The following CREB5 variants were observed in gnomAD, a reference collection of about 807,000 sequenced individuals.
The protein encoded by CREB5 is cyclic AMP-responsive element-binding protein 5.
CREB5 carries 19 observed loss-of-function variants against 57.1 expected under a neutral mutation model. That is an observed-to-expected ratio of 0.33 (90% CI 0.23 to 0.49). CREB5 has a LOEUF of 0.49. Ranked by LOEUF, CREB5 falls within the 20% of genes least tolerant of loss-of-function variation. CREB5 has a pLI of 0.99. For missense variants in CREB5, 579 were observed against 671.6 expected (o/e 0.86, Z 1.52); for synonymous variants, 238 against 238.3 (o/e 1.00, Z 0.01).
At chr7:28,474,451 C>T (rs1179166539) in intron 1 of CREB5, among the ~76,000 whole-genome samples, 1 of 152,144 alleles carries the variant, frequency 6.6e-6, no homozygotes, top group Non-Finnish European at 1.5e-5. Flanking sequence ...TTTTCCTTGC[C>T]TGGTGCTTGA....
chr7:28,645,725 C>T (rs1278669829), intron 5 of CREB5, among the ~76,000 whole-genome samples: 2 of 152,174 alleles, frequency 1.3e-5, no homozygotes, highest in East Asian at 3.8e-4. Flanking sequence ...ACAGCTTTGC[C>T]AGTGTATTCT....
chr7:28,312,733 G>A (rs1005518296), intron 1 of CREB5, among the ~76,000 whole-genome samples: 1 of 152,188 alleles, frequency 6.6e-6, no homozygotes, highest in African/African-American at 2.4e-5. Context: ...CCAGAAATTA[G>A]TCCCAGGTAT....
chr7:28,743,846 T>C (rs1258425899), intron 7 of CREB5, among the ~76,000 whole-genome samples: 2 of 143,164 alleles, frequency 1.4e-5, no homozygotes, highest in South Asian at 2.3e-4. Flanking sequence ...TTCTTTTTTT[T>C]TTTTTTTTTT....
chr7:28,519,562 G>T (rs962640944), intron 4 of CREB5, among the ~76,000 whole-genome samples: 2 of 152,102 alleles, frequency 1.3e-5, no homozygotes, highest in African/African-American at 4.8e-5. Context: ...CTAAACACAC[G>T]TGCCCTCCCA....
At chr7:28,633,173 G>A (rs1450549568) in intron 5 of CREB5, among the ~76,000 whole-genome samples, 6 of 152,114 alleles carry the variant, frequency 3.9e-5, no homozygotes, top group African/African-American at 1.4e-4. Context: ...TTTGTCTAAG[G>A]TCACACAGTA....
At chr7:28,560,022 G>A (rs1462277839) in intron 4 of CREB5, among the ~76,000 whole-genome samples, 2 of 152,204 alleles carry the variant, frequency 1.3e-5, no homozygotes, top group Admixed American at 6.5e-5. Flanking sequence ...AAGAATAAGA[G>A]GATGTCAGAG....
intron 5 of CREB5, among the ~76,000 whole-genome samples, chr7:28,716,214 T>G (rs1318263882): frequency 1.3e-5 from 2 of 152,180 alleles, no homozygotes; most frequent in Admixed American, 1.3e-4. Flanking sequence ...TGATTTCTTT[T>G]TGAAAAAGAA....
intron 1 of CREB5, among the ~76,000 whole-genome samples, chr7:28,469,309 C>T (rs190911497): frequency 1.2e-4 from 19 of 152,264 alleles, no homozygotes; most frequent in African/African-American, 4.6e-4. Flanking sequence ...CTAACAAATA[C>T]GCCTATGGAT....
At chr7:28,734,303 T>G (rs568535375) in intron 7 of CREB5, among the ~76,000 whole-genome samples, 1 of 152,142 alleles carries the variant, frequency 6.6e-6, no homozygotes, top group South Asian at 2.1e-4. Flanking sequence ...AACTAAACTT[T>G]TTGCCTTCAA....
intron 5 of CREB5, among the ~76,000 whole-genome samples, chr7:28,574,137 G>A (rs1253066876): frequency 6.6e-6 from 1 of 152,216 alleles, no homozygotes; most frequent in Non-Finnish European, 1.5e-5. Context: ...CTGATTGATG[G>A]TAGCGTTTTC....
chr7:28,470,225 C>T (rs958021619), intron 1 of CREB5, among the ~76,000 whole-genome samples: 1 of 152,214 alleles, frequency 6.6e-6, no homozygotes, highest in Non-Finnish European at 1.5e-5. Flanking sequence ...GACTTCTCCA[C>T]TACCTTTCCC....
chr7:28,399,280 G>GA (rs5883127), intron 1 of CREB5, among the ~76,000 whole-genome samples: 24 of 148,636 alleles, frequency 1.6e-4, no homozygotes, highest in East Asian at 3.9e-4. Context: ...AGACAAATTG[G>GA]AAAAAAAAAA....
chr7:28,790,771 T>C (rs976839175), intron 7 of CREB5, among the ~76,000 whole-genome samples: 5 of 152,228 alleles, frequency 3.3e-5, no homozygotes. Flanking sequence ...TTCACCTTTG[T>C]GAGCTCTCCA....
chr7:28,459,692 G>A (rs766283901), intron 1 of CREB5, among the ~76,000 whole-genome samples: 2 of 152,200 alleles, frequency 1.3e-5, no homozygotes. Flanking sequence ...AGGTGGGAAG[G>A]CAGGGTGACG....
At position 28,628,159 on chromosome 7, in the gene CREB5, T is replaced by C. The variant is rs1241406990; in HGVS notation, c.464+57622T>C. 7.2e-5 allele frequency among the ~76,000 whole-genome samples: 11 copies of C among 151,932 alleles called. No individual in the cohort carries two copies. The East Asian group carries it at 2.1e-3, about 30-fold the overall frequency. On this transcript the variant is annotated intron_variant, in intron 5 of 10. Coordinates refer to ENST00000357727, the MANE Select transcript of CREB5 (RefSeq NM_182898.4). ...CAGGATCAGCTCAGCTTTTCAGGGA[T>C]GTCAGAGAGGAATGGCTCTCATATC...
chr7:28,714,009 G>C (rs1359364651), intron 5 of CREB5, among the ~76,000 whole-genome samples: 1 of 151,954 alleles, frequency 6.6e-6, no homozygotes, highest in African/African-American at 2.4e-5. Flanking sequence ...TGATGCCCAG[G>C]TTCCCAGGTT....
intron 1 of CREB5, among the ~76,000 whole-genome samples, chr7:28,351,496 A>G (rs1786184290): frequency 6.6e-6 from 1 of 152,146 alleles, no homozygotes; most frequent in Non-Finnish European, 1.5e-5. Flanking sequence ...TAACTCTGAG[A>G]TTTTCCTTTC....
intron 1 of CREB5, among the ~76,000 whole-genome samples, chr7:28,469,557 T>C (rs1790726476): frequency 6.6e-6 from 1 of 152,260 alleles, no homozygotes. Flanking sequence ...TGAATGATAC[T>C]AAAATGCCAC....
At chr7:28,703,672 A>G (rs1199952628) in intron 5 of CREB5, among the ~76,000 whole-genome samples, 1 of 152,122 alleles carries the variant, frequency 6.6e-6, no homozygotes, top group Non-Finnish European at 1.5e-5. Flanking sequence ...AGCTCAAGCA[A>G]TCAGGCAGAG....
Sources: allele counts gnomAD v4.1 joint callset (sites outside exome capture counted in the v4.1 genomes callset), GRCh38; gene constraint gnomAD v4.1.1; transcripts MANE v1.5; gene names NCBI Gene and HGNC (gene_info 2026-07-23, HGNC 2026-07-21).